The following TBC1D12 variants were observed in gnomAD, a reference collection of about 807,000 sequenced individuals.
The protein encoded by TBC1D12 is TBC1 domain family, member 12.
In TBC1D12, 56 loss-of-function variants were observed where a neutral mutation model predicts 86.7. The observed-to-expected ratio is 0.65, with a 90% CI of 0.52 to 0.81. TBC1D12 has a LOEUF of 0.81. Ranked by LOEUF, TBC1D12 falls within the 30% of genes least tolerant of loss-of-function variation. TBC1D12 has a pLI of 0.00. For synonymous variants in TBC1D12, 421 were observed against 411.7 expected (o/e 1.02, Z -0.27); for missense variants, 1,023 against 1,038.8 (o/e 0.98, Z 0.21).
At chr10:94,488,454 G>C (rs1314509010) in intron 3 of TBC1D12, among the ~76,000 whole-genome samples, 1 of 139,194 alleles carries the variant, frequency 7.2e-6, no homozygotes, top group Non-Finnish European at 1.5e-5. Context: ...GCAGTGGTGC[G>C]ATCTTGGCTC....
chr10:94,444,990 C>A (rs2055438929), intron 2 of TBC1D12, among the ~76,000 whole-genome samples: 1 of 135,502 alleles, frequency 7.4e-6, no homozygotes, highest in Non-Finnish European at 1.5e-5. Flanking sequence ...CCTCAGCCTC[C>A]CAAAGTGCTG....
intron 11 of TBC1D12, among the ~76,000 whole-genome samples, chr10:94,525,678 A>T (rs940802673): frequency 1.3e-5 from 2 of 151,276 alleles, no homozygotes; most frequent in African/African-American, 2.4e-5. Context: ...AAAAAAAAAA[A>T]GCTAAACAAA....
intron 9 of TBC1D12, among the ~76,000 whole-genome samples, chr10:94,514,118 G>A (rs2056559439): frequency 6.6e-6 from 1 of 151,528 alleles, no homozygotes; most frequent in Non-Finnish European, 1.5e-5. Flanking sequence ...TCCCAGGCAT[G>A]TAATCCCAGC....
intron 1 of TBC1D12, among the ~76,000 whole-genome samples, chr10:94,404,364 G>T (rs1019352771): frequency 6.6e-6 from 1 of 152,074 alleles, no homozygotes; most frequent in Non-Finnish European, 1.5e-5. Flanking sequence ...TTAAATTATG[G>T]GCCGGGCGCG....
chr10:94,502,075 G>C (rs892682291), intron 6 of TBC1D12, among the ~76,000 whole-genome samples: 2 of 151,398 alleles, frequency 1.3e-5, no homozygotes, highest in African/African-American at 4.8e-5. Context: ...GCTCACGCCT[G>C]TAATCCCAGC....
At chr10:94,440,978 T>C (rs7088008) in intron 1 of TBC1D12, among the ~76,000 whole-genome samples, 1 of 151,786 alleles carries the variant, frequency 6.6e-6, no homozygotes, top group Non-Finnish European at 1.5e-5. Flanking sequence ...GCTTCCCGAG[T>C]AGCTGGAATT....
Position 94,403,106 on chromosome 10 carries a change from C to T in TBC1D12, c.493C>T (p.Arg165Cys), listed in dbSNP as rs2054793378. 2 of 1,389,422 alleles carry T rather than the reference C, an allele frequency of 1.4e-6. No individual in the cohort carries two copies. The highest frequency in any genetic ancestry group is 3.1e-5 in the East Asian group (1 of 32,500). The allele number at this position is 1,389,422 out of a possible 1,614,324, so 86.1% of individuals were successfully genotyped here. A position where few individuals can be genotyped will look rare whatever the true frequency, so the allele number is the denominator to read the frequency against. The change falls in exon 1 of 13, where the codon CGC (arginine) becomes TGC (cysteine). Residue 165 changes from arginine (R) to cysteine (C), a missense_variant. This residue lies in a region of TBC1D12 where 628 missense variants were observed against 531.1 expected (regional missense o/e 1.18). Transcript: ENST00000225235. Reference sequence around the variant, plus strand: ...GCGCGCCGGCGGCCGGGAGTCGCGCCGCCGCCGCCCCTACGGCCGCCTTCG... The same window carrying T: ...GCGCGCCGGCGGCCGGGAGTCGCGCTGCCGCCGCCCCTACGGCCGCCTTCG... ...LARAGGRESR[R>C]RRPYGRLRLE...
chr10:94,465,714 G>A (rs903312362), intron 2 of TBC1D12, among the ~76,000 whole-genome samples: 12 of 115,574 alleles, frequency 1.0e-4, no homozygotes, highest in Non-Finnish European at 1.3e-4. Flanking sequence ...ATACGTATAC[G>A]TATACATACA....
At chr10:94,415,582 A>C (rs1166595079) in intron 1 of TBC1D12, among the ~76,000 whole-genome samples, 1 of 152,106 alleles carries the variant, frequency 6.6e-6, no homozygotes, top group East Asian at 1.9e-4. Flanking sequence ...AAATACAAAA[A>C]AACTAGCTGG....
chr10:94,432,682 G>GT (rs548771488), intron 1 of TBC1D12, among the ~76,000 whole-genome samples: 15 of 151,664 alleles, frequency 9.9e-5, no homozygotes, highest in Middle Eastern at 3.4e-3. Flanking sequence ...GCTTTGGCTT[G>GT]TTTTTTTATG....
chr10:94,449,870 A>T (rs1437635392), intron 2 of TBC1D12, among the ~76,000 whole-genome samples: 2 of 152,068 alleles, frequency 1.3e-5, no homozygotes, highest in East Asian at 3.9e-4. Flanking sequence ...GATTCTTGCC[A>T]CCCTCCCTTT....
intron 1 of TBC1D12, among the ~76,000 whole-genome samples, chr10:94,420,495 A>G (rs1272668576): frequency 6.6e-6 from 1 of 152,176 alleles, no homozygotes; most frequent in Non-Finnish European, 1.5e-5. Context: ...ATTACCCCAA[A>G]AAGAAGCTCT....
intron 11 of TBC1D12, among the ~76,000 whole-genome samples, chr10:94,528,744 C>T (rs1435399270): frequency 6.6e-6 from 1 of 151,588 alleles, no homozygotes; most frequent in Non-Finnish European, 1.5e-5. Flanking sequence ...ATCTCTTGAA[C>T]CCGGGAGGCA....
intron 2 of TBC1D12, among the ~76,000 whole-genome samples, chr10:94,465,939 T>TATA (rs1016860629): frequency 1.5e-4 from 23 of 151,234 alleles, no homozygotes; most frequent in Admixed American, 1.5e-3. Context: ...TATATATGTA[T>TATA]ATACGCGTAT....
chr10:94,464,593 G>A (rs559581394), intron 2 of TBC1D12, among the ~76,000 whole-genome samples: 20 of 152,260 alleles, frequency 1.3e-4, no homozygotes, highest in African/African-American at 4.8e-4. Flanking sequence ...AGCTTCCAGA[G>A]TAGCTAGGAC....
intron 1 of TBC1D12, among the ~76,000 whole-genome samples, chr10:94,432,329 T>G (rs1433722184): frequency 3.3e-5 from 5 of 152,204 alleles, no homozygotes; most frequent in Admixed American, 2.6e-4. Flanking sequence ...GTTTTCCCCC[T>G]TAAGATTTAA....
chr10:94,415,279 G>T (rs2054983507), intron 1 of TBC1D12, among the ~76,000 whole-genome samples: 1 of 152,048 alleles, frequency 6.6e-6, no homozygotes, highest in Non-Finnish European at 1.5e-5. Context: ...TTGCTTTTTT[G>T]TACTTACATA....
In TBC1D12 at chr10:94,426,738, G is replaced by A. The variant is rs141284370; in HGVS notation, c.972-15158G>A. Among the ~76,000 whole-genome samples the A allele has an allele frequency of 4.5e-3, 679 of 151,926 alleles. 6 individuals are homozygous for A. Among genetic ancestry groups the A allele is most frequent in the African/African-American group, 0.015 (625 of 41,434 alleles). On this transcript the variant is annotated intron_variant, in intron 1 of 12. Transcript: ENST00000225235. ...ATTACAGGCGCTCGCCACCACACCC[G>A]GCTAATTTTTTGTATTTTTAGTAGA...
At chr10:94,459,881 C>T (rs575587895) in intron 2 of TBC1D12, among the ~76,000 whole-genome samples, 12 of 152,296 alleles carry the variant, frequency 7.9e-5, no homozygotes, top group Non-Finnish European at 8.8e-5. Flanking sequence ...GCACCTCTCA[C>T]TCCACACCTC....
Sources: allele counts gnomAD v4.1 joint callset (sites outside exome capture counted in the v4.1 genomes callset), GRCh38; gene constraint gnomAD v4.1.1; regional missense constraint gnomAD v4.1.1; transcripts MANE v1.5; gene names NCBI Gene and HGNC (gene_info 2026-07-23, HGNC 2026-07-21).